DBF4: variants seen among roughly 807,000 people sequenced by gnomAD.
The protein encoded by DBF4 is protein DBF4 homolog A.
A neutral mutation model predicts 76.6 loss-of-function variants in DBF4; 25 were observed. The observed-to-expected ratio is 0.33, with a 90% CI of 0.24 to 0.46. The LOEUF (loss-of-function observed/expected upper bound fraction) is 0.46. Ranked by LOEUF, DBF4 falls within the 20% of genes least tolerant of loss-of-function variation. The probability of loss-of-function intolerance (pLI) is 1.00; values close to 1 mark genes in which losing one functional copy is unlikely to be tolerated. For synonymous variants in DBF4, 213 were observed against 258.0 expected, an observed-to-expected ratio of 0.83 and a Z score of 1.67; for missense variants, 638 against 760.8, an observed-to-expected ratio of 0.84 and a Z score of 1.90.
At chr7:87,889,741 C>G (rs1839440124) in intron 6 of DBF4, among the ~76,000 whole-genome samples, 1 of 152,166 alleles carries the variant, frequency 6.6e-6, no homozygotes, top group Middle Eastern at 3.4e-3. Context: ...ATAAAACTAT[C>G]AATCAAAGTG....
intron 6 of DBF4, among the ~76,000 whole-genome samples, chr7:87,894,000 A>C: frequency 6.6e-6 from 1 of 152,208 alleles, no homozygotes; most frequent in East Asian, 1.9e-4. Flanking sequence ...GACCTTTCGC[A>C]ATCTATCTTG....
intron 3 of DBF4, among the ~76,000 whole-genome samples, chr7:87,886,369 T>TA (rs1045062308): frequency 1.4e-4 from 21 of 151,038 alleles, no homozygotes; most frequent in Admixed American, 9.9e-4. Context: ...CATCTCTACT[T>TA]AAAAAAAATA....
rs1197630008 is a variant in DBF4 at position 87,908,702 on chromosome 7, C to T, written c.*539C>T. On this transcript the variant is annotated 3_prime_UTR_variant, in exon 12 of 12. Coordinates refer to ENST00000265728, the MANE Select transcript of DBF4 (RefSeq NM_006716.4). ...ATTATGTATAGGGGTAACTGGAAGC[C>T]ATGAAGGAAGGACTTAACCAGGCTA... 6.6e-6 allele frequency: 1 copy of T among 152,090 alleles called. No homozygotes were observed. The highest frequency in any genetic ancestry group is 2.4e-5 in the African/African-American group (1 of 41,412). 9.4% of individuals were successfully genotyped at this position (152,090 alleles called of 1,614,324 possible). A position where few individuals can be genotyped will look rare whatever the true frequency, so the allele number is the denominator to read the frequency against.
chr7:87,895,620 G>C (rs1327514293), intron 6 of DBF4, among the ~76,000 whole-genome samples: 1 of 152,108 alleles, frequency 6.6e-6, no homozygotes, highest in Admixed American at 6.5e-5. Context: ...TCTATCCTTA[G>C]CATGTGCAAC....
intron 10 of DBF4, among the ~76,000 whole-genome samples, chr7:87,903,165 C>G (rs1454592741): frequency 6.6e-6 from 1 of 152,222 alleles, no homozygotes; most frequent in Non-Finnish European, 1.5e-5. Flanking sequence ...TCACTGTAAC[C>G]TCCATCTCCC....
intron 6 of DBF4, among the ~76,000 whole-genome samples, chr7:87,892,437 G>A (rs944189935): frequency 2.6e-5 from 4 of 152,004 alleles, no homozygotes; most frequent in African/African-American, 4.8e-5. Context: ...TTTAAAATCT[G>A]AGTAATATTT....
intron 6 of DBF4, among the ~76,000 whole-genome samples, chr7:87,891,355 G>A (rs1450063174): frequency 2.0e-5 from 3 of 151,946 alleles, no homozygotes; most frequent in African/African-American, 7.2e-5. Context: ...AGTTTTTATA[G>A]AATTGTTTTT....
chr7:87,886,778 G>GC, intron 3 of DBF4, 66 bp from the exon 4 acceptor site: 1 of 998,046 alleles, frequency 1.0e-6, no homozygotes, highest in South Asian at 1.4e-5. Context: ...TTTCTTAGCT[G>GC]CTTTACCTTT....
intron 1 of DBF4, 80 bp from the exon 2 acceptor site, chr7:87,877,973 C>A: frequency 8.9e-7 from 1 of 1,119,682 alleles, no homozygotes. Context: ...GATTTTTATT[C>A]TGTAATATTG....
chr7:87,900,818 A>G lies in DBF4; in HGVS notation c.864A>G (p.Lys288=). The G allele has an allele frequency of 1.9e-6, 3 of 1,613,552 alleles. No homozygotes were observed. Among genetic ancestry groups the G allele is most frequent in the Non-Finnish European group, 2.5e-6 (3 of 1,179,742 alleles). ...YGGTSIQLQL[K]EKKKKGYCEC... The stretch of plus-strand genomic sequence containing the variant: ...GAACCTCAATTCAACTCCAGTTGAA[A>G]GAGAAGAAGAAAAAAGGATATTGTG... The change falls in exon 10 of 12, where the codon AAA becomes AAG. Residue 288 remains lysine, a synonymous_variant. Coordinates refer to ENST00000265728, the MANE Select transcript of DBF4 (RefSeq NM_006716.4).
At position 87,908,660 on chromosome 7, in the gene DBF4, T is replaced by C. The variant is rs1240917225; in HGVS notation, c.*497T>C. 1 of 152,676 alleles carries C rather than the reference T, an allele frequency of 6.5e-6. No individual in the cohort carries two copies. Among genetic ancestry groups the C allele is most frequent in the Non-Finnish European group, 1.5e-5 (1 of 68,426 alleles). 9.5% of individuals were successfully genotyped at this position (152,676 alleles called of 1,614,324 possible). Reference sequence around the variant, plus strand: ...TCACTGGTGGACCATGCTAGTATTTTGGTGCTGAGTAATTAGATTATGTAT... The same window carrying C: ...TCACTGGTGGACCATGCTAGTATTTCGGTGCTGAGTAATTAGATTATGTAT... On this transcript the variant is annotated 3_prime_UTR_variant, in exon 12 of 12. Coordinates refer to ENST00000265728, the MANE Select transcript of DBF4 (RefSeq NM_006716.4).
At chr7:87,881,906 A>G (rs190732581) in intron 2 of DBF4, among the ~76,000 whole-genome samples, 3 of 152,350 alleles carry the variant, frequency 2.0e-5, no homozygotes, top group Admixed American at 1.3e-4. Flanking sequence ...GCAAATAGAC[A>G]TACTAAATAG....
intron 11 of DBF4, among the ~76,000 whole-genome samples, chr7:87,905,082 T>A (rs1009081705): frequency 3.9e-5 from 6 of 152,170 alleles, no homozygotes; most frequent in African/African-American, 1.4e-4. Context: ...TCCTGAGTAG[T>A]TGGGATTACA....
intron 1 of DBF4, among the ~76,000 whole-genome samples, chr7:87,877,119 G>C (rs1032269966): frequency 6.6e-6 from 1 of 152,222 alleles, no homozygotes; most frequent in Non-Finnish European, 1.5e-5. Flanking sequence ...CTCCGCCCGG[G>C]CCCTTGGAGG....
At chr7:87,885,834 A>G (rs1317485648) in intron 3 of DBF4, among the ~76,000 whole-genome samples, 4 of 152,182 alleles carry the variant, frequency 2.6e-5, no homozygotes, top group Non-Finnish European at 4.4e-5. Flanking sequence ...TCACATCCCT[A>G]CCACTCCATG....
chr7:87,878,298 A>T, intron 2 of DBF4, 73 bp downstream of exon 2: 1 of 1,257,642 alleles, frequency 8.0e-7, no homozygotes, highest in South Asian at 1.6e-5. Flanking sequence ...AATCATTTAA[A>T]TTTTTCATTT....
At position 87,881,181 on chromosome 7, in the gene DBF4, C is replaced by T. The variant is rs138294081; in HGVS notation, c.219+2956C>T. 1.8e-3 allele frequency among the ~76,000 whole-genome samples: 271 copies of T among 152,158 alleles called. 1 individual carries two copies. Among genetic ancestry groups the T allele is most frequent in the South Asian group, 3.9e-3 (19 of 4,824 alleles). On this transcript the variant is annotated intron_variant, in intron 2 of 11. Transcript: ENST00000265728. ...TAGCACTTTGGGAGGCTGAGTTAGG[C>T]GGATCACTTGAGGTCAGGAGTTTGA... is the stretch of plus-strand genomic sequence containing the variant.
chr7:87,892,570 C>T (rs1439957551), intron 6 of DBF4, among the ~76,000 whole-genome samples: 1 of 152,074 alleles, frequency 6.6e-6, no homozygotes, highest in African/African-American at 2.4e-5. Context: ...TTTTTGTGGA[C>T]ATATTGTCAA....
At chr7:87,902,033 G>A (rs1035792304) in intron 10 of DBF4, among the ~76,000 whole-genome samples, 1 of 152,140 alleles carries the variant, frequency 6.6e-6, no homozygotes, top group African/African-American at 2.4e-5. Context: ...AGAAGCTAAA[G>A]TATCTCAGAA....
Sources: allele counts gnomAD v4.1 joint callset (sites outside exome capture counted in the v4.1 genomes callset), GRCh38; gene constraint gnomAD v4.1.1; transcripts MANE v1.5; gene names NCBI Gene and HGNC (gene_info 2026-07-23, HGNC 2026-07-21).